SRGAP1: variants seen among roughly 807,000 people sequenced by gnomAD.
SRGAP1 encodes SLIT-ROBO Rho GTPase activating protein 1.
A neutral mutation model predicts 121.9 loss-of-function variants in SRGAP1; 43 were observed. That is an observed-to-expected ratio of 0.35 (90% CI 0.28 to 0.46). The LOEUF is 0.46. Ranked by LOEUF, SRGAP1 falls within the 20% of genes least tolerant of loss-of-function variation. The pLI, the probability that SRGAP1 is intolerant of heterozygous loss-of-function variation, is 1.00. For synonymous variants in SRGAP1, 447 were observed against 485.4 expected (o/e 0.92, Z 1.04); for missense variants, 1,102 against 1,350.9 (o/e 0.82, Z 2.89).
chr12:64,011,191 T>TA (rs35432896), intron 3 of SRGAP1, among the ~76,000 whole-genome samples: 75,181 of 151,530 alleles, frequency 0.5, 19,798 homozygotes, highest in African/African-American at 0.66. Flanking sequence ...ATGGATGAGT[T>TA]AAAAAAAATT....
chr12:64,006,416 G>A (rs1360910485), intron 3 of SRGAP1, among the ~76,000 whole-genome samples: 1 of 152,180 alleles, frequency 6.6e-6, no homozygotes, highest in Non-Finnish European at 1.5e-5. Flanking sequence ...TGTAGCCTAT[G>A]GCGTGATGAA....
rs144613087 is a variant in SRGAP1 at position 63,932,468 on chromosome 12, A to T, written c.68-51479A>T. Among the ~76,000 whole-genome samples, 393 of 152,380 alleles carry T rather than the reference A, an allele frequency of 2.6e-3. 1 individual carries two copies. Among genetic ancestry groups the T allele is most frequent in the African/African-American group, 9.1e-3 (378 of 41,600 alleles). ...ATATGGGTATTTCCCAACAGATCTT[A>T]TACAAATTTGAAATTAAATTTCCAT... On this transcript the variant is annotated intron_variant, in intron 1 of 21. Transcript: ENST00000355086.
At chr12:64,003,651 A>G (rs1231922575) in intron 3 of SRGAP1, among the ~76,000 whole-genome samples, 1 of 152,124 alleles carries the variant, frequency 6.6e-6, no homozygotes. Context: ...GGTCTGAACA[A>G]CAGAGAGAAA....
intron 1 of SRGAP1, among the ~76,000 whole-genome samples, chr12:63,851,826 C>T (rs1181702025): frequency 3.3e-5 from 5 of 151,986 alleles, no homozygotes; most frequent in Non-Finnish European, 7.4e-5. Flanking sequence ...CTCAGCTTCC[C>T]CAAGTGCTGG....
At chr12:63,972,699 C>T (rs1477615509) in intron 1 of SRGAP1, among the ~76,000 whole-genome samples, 1 of 152,078 alleles carries the variant, frequency 6.6e-6, no homozygotes, top group Non-Finnish European at 1.5e-5. Flanking sequence ...AACATAATAG[C>T]AATAGTACAA....
At chr12:63,859,435 G>A (rs1357432797) in intron 1 of SRGAP1, among the ~76,000 whole-genome samples, 2 of 152,134 alleles carry the variant, frequency 1.3e-5, no homozygotes, top group Non-Finnish European at 2.9e-5. Flanking sequence ...CTAAAGTGCT[G>A]GGATTACAGG....
Position 64,142,317 on chromosome 12 carries a change from C to T in SRGAP1, c.2903C>T (p.Thr968Ile), listed in dbSNP as rs1452762134. The part of the protein sequence containing the change: ...IAQDIEETMN[T>I]ALNELRELER... ...TAGGATATTGAAGAAACGATGAACA[C>T]AGCTTTGAATGAACTCCGAGAACTG... is the stretch of plus-strand genomic sequence containing the variant. The change falls in exon 22 of 22, where the codon ACA becomes ATA. Residue 968 changes from threonine (T) to isoleucine (I), a missense_variant. Thr to Ile is a moderately conservative substitution (Grantham distance 89, BLOSUM62 -1). This residue lies in a region of SRGAP1 where 315 missense variants were observed against 343.1 expected (regional missense o/e 0.92). Transcript: ENST00000355086. The T allele has an allele frequency of 2.5e-6, 4 of 1,613,786 alleles. No individual in the cohort carries two copies. Among genetic ancestry groups the T allele is most frequent in the Non-Finnish European group, 3.4e-6 (4 of 1,179,730 alleles).
intron 1 of SRGAP1, chr12:63,982,399 C>G (rs1788508665): frequency 6.6e-6 from 1 of 152,124 alleles, no homozygotes; most frequent in Middle Eastern, 3.2e-3. Context: ...GAAGATAATA[C>G]TAAAACCTAC....
intron 8 of SRGAP1, among the ~76,000 whole-genome samples, chr12:64,070,359 T>A (rs1423578698): frequency 6.6e-6 from 1 of 152,214 alleles, no homozygotes; most frequent in African/African-American, 2.4e-5. Flanking sequence ...ACGCCTTTTG[T>A]ATTTTTTTAG....
intron 1 of SRGAP1, among the ~76,000 whole-genome samples, chr12:63,858,595 A>G (rs1265573581): frequency 6.6e-6 from 1 of 152,184 alleles, no homozygotes; most frequent in Non-Finnish European, 1.5e-5. Flanking sequence ...TCTGAGTCTA[A>G]TTAGTTTCCT....
chr12:63,972,497 C>T (rs952432553), intron 1 of SRGAP1, among the ~76,000 whole-genome samples: 18 of 152,112 alleles, frequency 1.2e-4, no homozygotes, highest in African/African-American at 4.1e-4. Flanking sequence ...GAAGGCAAAC[C>T]ATTTTTTTGA....
In SRGAP1 at chr12:63,928,262, T is replaced by C. The variant is rs141602072; in HGVS notation, c.68-55685T>C. Reference sequence around the variant, plus strand: ...GGTACAACTATTTTGGAAAATTGTTTGGCATTTTCTTATGAAGTTAAATAT... The same window carrying C: ...GGTACAACTATTTTGGAAAATTGTTCGGCATTTTCTTATGAAGTTAAATAT... On this transcript the variant is annotated intron_variant, in intron 1 of 21. Transcript: ENST00000355086. Among the ~76,000 whole-genome samples, 33 of 152,342 alleles carry C rather than the reference T, an allele frequency of 2.2e-4. No individual in the cohort carries two copies. In the East Asian group the frequency reaches 6.4e-3, roughly 29 times the overall value.
intron 1 of SRGAP1, among the ~76,000 whole-genome samples, chr12:63,845,671 A>G (rs1325425903): frequency 6.6e-6 from 1 of 152,176 alleles, no homozygotes; most frequent in African/African-American, 2.4e-5. Context: ...AAAAATATAT[A>G]TATTTTCTCT....
intron 6 of SRGAP1, among the ~76,000 whole-genome samples, chr12:64,058,909 G>A (rs1186393522): frequency 6.6e-6 from 1 of 152,024 alleles, no homozygotes; most frequent in Non-Finnish European, 1.5e-5. Flanking sequence ...AGTTCAAGAT[G>A]CCTGAAAAAC....
intron 1 of SRGAP1, chr12:63,872,152 A>AGTT (rs1565929527): frequency 7.6e-6 from 3 of 393,760 alleles, no homozygotes; most frequent in African/African-American, 2.1e-5. Flanking sequence ...TAAATGGAAC[A>AGTT]TTTCGTTATG....
At chr12:64,095,237 C>T (rs754924334) in intron 14 of SRGAP1, 33 bp downstream of exon 14, 15 of 1,588,160 alleles carry the variant, frequency 9.4e-6, no homozygotes, top group South Asian at 8.9e-5. Flanking sequence ...AAGCAAACCA[C>T]GTTGAAAAGT....
intron 1 of SRGAP1, among the ~76,000 whole-genome samples, chr12:63,964,789 A>T (rs560428074): frequency 3.9e-5 from 6 of 152,312 alleles, no homozygotes; most frequent in African/African-American, 1.2e-4. Context: ...TCTTCATCCA[A>T]TTTAACTGTG....
At chr12:63,865,070 CATT>C (rs1189505361) in intron 1 of SRGAP1, among the ~76,000 whole-genome samples, 2 of 152,074 alleles carry the variant, frequency 1.3e-5, no homozygotes, top group African/African-American at 4.8e-5. Context: ...AATTTTAAAT[CATT>C]ATTACTAGGC....
intron 18 of SRGAP1, among the ~76,000 whole-genome samples, chr12:64,116,644 A>C (rs923510953): frequency 6.6e-6 from 1 of 152,094 alleles, no homozygotes; most frequent in African/African-American, 2.4e-5. Flanking sequence ...TTCTTGATGA[A>C]TATGTCAGGT....
Sources: gnomAD v4.1 joint callset for allele counts (sites outside exome capture counted in the v4.1 genomes callset) on GRCh38, gnomAD v4.1.1 for gene constraint, gnomAD v4.1.1 regional missense constraint, MANE v1.5 for transcripts, NCBI Gene and HGNC (gene_info 2026-07-23, HGNC 2026-07-21) for gene names.